Variants in LRRC4C observed in about 807,000 individuals in gnomAD.
LRRC4C encodes leucine rich repeat containing 4C, also known as leucine-rich repeat-containing protein 4C.
LRRC4C carries 5 observed loss-of-function variants against 33.6 expected under a neutral mutation model. That is an observed-to-expected ratio of 0.15 (90% CI 0.08 to 0.31). LRRC4C has a LOEUF of 0.31. Ranked by LOEUF, LRRC4C falls within the 10% of genes least tolerant of loss-of-function variation. The pLI, the probability that LRRC4C is intolerant of heterozygous loss-of-function variation, is 1.00. For synonymous variants in LRRC4C, 329 were observed against 302.0 expected (o/e 1.09, Z -0.93); for missense variants, 560 against 796.7 (o/e 0.70, Z 3.58).
chr11:40,567,093 T>C (rs1957795944), intron 3 of LRRC4C, among the ~76,000 whole-genome samples: 1 of 152,186 alleles, frequency 6.6e-6, no homozygotes, highest in African/African-American at 2.4e-5. Flanking sequence ...GAAGCATCTA[T>C]TGAGTGTGTA....
intron 5 of LRRC4C, among the ~76,000 whole-genome samples, chr11:40,183,492 T>C (rs781491927): frequency 1.3e-5 from 2 of 152,130 alleles, no homozygotes; most frequent in Non-Finnish European, 2.9e-5. Flanking sequence ...GCCAAAGAGG[T>C]GAGAAGACTA....
intron 3 of LRRC4C, among the ~76,000 whole-genome samples, chr11:40,377,983 G>A (rs1415061779): frequency 6.6e-6 from 1 of 151,958 alleles, no homozygotes; most frequent in Admixed American, 6.6e-5. Flanking sequence ...GAGAAACTCT[G>A]CTGTAATGCA....
chr11:40,199,984 A>T (rs2135714940), intron 5 of LRRC4C, among the ~76,000 whole-genome samples: 1 of 152,046 alleles, frequency 6.6e-6, no homozygotes, highest in Middle Eastern at 3.4e-3. Context: ...GGAACTCAGG[A>T]CCACCTGCCT....
intron 4 of LRRC4C, among the ~76,000 whole-genome samples, chr11:40,271,684 C>A (rs1942713152): frequency 6.6e-6 from 1 of 152,152 alleles, no homozygotes; most frequent in Non-Finnish European, 1.5e-5. Flanking sequence ...CACACTCATT[C>A]TTCACTTCCA....
chr11:40,977,001 T>C (rs1852132965), intron 1 of LRRC4C, among the ~76,000 whole-genome samples: 1 of 152,170 alleles, frequency 6.6e-6, no homozygotes, highest in South Asian at 2.1e-4. Context: ...TGAGCTTGTT[T>C]TCCTGTAGCT....
At chr11:40,254,884 C>T (rs1867078914) in intron 4 of LRRC4C, among the ~76,000 whole-genome samples, 2 of 152,184 alleles carry the variant, frequency 1.3e-5, no homozygotes, top group Non-Finnish European at 1.5e-5. Context: ...TTATAGCTCA[C>T]TGTAACCTAG....
At chr11:41,043,519 A>G (rs187558271) in intron 1 of LRRC4C, among the ~76,000 whole-genome samples, 1 of 152,258 alleles carries the variant, frequency 6.6e-6, no homozygotes, top group African/African-American at 2.4e-5. Flanking sequence ...CCAAATCAAT[A>G]ATGATATCTG....
intron 1 of LRRC4C, among the ~76,000 whole-genome samples, chr11:41,149,367 C>A (rs1943881865): frequency 6.6e-6 from 1 of 151,822 alleles, no homozygotes; most frequent in South Asian, 2.1e-4. Context: ...ATTAGCCGGG[C>A]GCAGTGGCGG....
intron 1 of LRRC4C, among the ~76,000 whole-genome samples, chr11:41,127,079 A>G (rs990128981): frequency 3.3e-5 from 5 of 152,136 alleles, no homozygotes; most frequent in Middle Eastern, 6.3e-3. Context: ...TTGAGTAAAT[A>G]CAAAATTTCA....
At chr11:40,346,714 T>C (rs1009449128) in intron 3 of LRRC4C, among the ~76,000 whole-genome samples, 15 of 152,188 alleles carry the variant, frequency 9.9e-5, no homozygotes, top group Non-Finnish European at 1.6e-4. Flanking sequence ...AACGTTTTTT[T>C]AAAAGCAAAC....
At chr11:41,212,741 G>C (rs1042166012) in intron 1 of LRRC4C, among the ~76,000 whole-genome samples, 2 of 152,146 alleles carry the variant, frequency 1.3e-5, no homozygotes, top group African/African-American at 4.8e-5. Flanking sequence ...TCCCTGCAAA[G>C]GACATGATAT....
chr11:40,592,746 T>C (rs879926224), intron 3 of LRRC4C, among the ~76,000 whole-genome samples: 2 of 152,194 alleles, frequency 1.3e-5, no homozygotes, highest in Non-Finnish European at 2.9e-5. Context: ...TCTCCCACTC[T>C]GGCATGCACA....
At chr11:41,234,980 TGTCAGGAG>T (rs1246027756) in intron 1 of LRRC4C, among the ~76,000 whole-genome samples, 1 of 151,974 alleles carries the variant, frequency 6.6e-6, no homozygotes, top group Non-Finnish European at 1.5e-5. Context: ...CCTGAAAATC[TGTCAGGAG>T]GACTATAATA....
intron 3 of LRRC4C, among the ~76,000 whole-genome samples, chr11:40,468,093 C>T (rs1952743106): frequency 6.6e-6 from 1 of 152,102 alleles, no homozygotes; most frequent in Non-Finnish European, 1.5e-5. Context: ...GACTTTGCTC[C>T]TCCATTTTTG....
At chr11:40,356,392 TA>T (rs1947672340) in intron 3 of LRRC4C, among the ~76,000 whole-genome samples, 1 of 152,208 alleles carries the variant, frequency 6.6e-6, no homozygotes, top group African/African-American at 2.4e-5. Context: ...AGCATTTGTT[TA>T]AAAAAGATAC....
chr11:41,070,208 T>C (rs1938573658), intron 1 of LRRC4C, among the ~76,000 whole-genome samples: 1 of 152,162 alleles, frequency 6.6e-6, no homozygotes, highest in Non-Finnish European at 1.5e-5. Context: ...GAAAACCGGC[T>C]AGCCATATGC....
intron 3 of LRRC4C, among the ~76,000 whole-genome samples, chr11:40,447,548 CAAT>C (rs888578656): frequency 2.0e-5 from 3 of 151,892 alleles, no homozygotes; most frequent in African/African-American, 7.3e-5. Flanking sequence ...TTTATTAAGA[CAAT>C]AAAAAATAAT....
At chr11:40,305,463 T>A (rs1944983089) in intron 4 of LRRC4C, among the ~76,000 whole-genome samples, 1 of 152,156 alleles carries the variant, frequency 6.6e-6, no homozygotes, top group South Asian at 2.1e-4. Context: ...GATCTGGAAA[T>A]CAACTGCATA....
intron 3 of LRRC4C, among the ~76,000 whole-genome samples, chr11:40,614,296 A>C (rs976777805): frequency 6.6e-6 from 1 of 151,914 alleles, no homozygotes; most frequent in Admixed American, 6.6e-5. Flanking sequence ...CTTCTATATC[A>C]GCACTTGCTG....
Sources: gnomAD v4.1 joint callset for allele counts (sites outside exome capture counted in the v4.1 genomes callset) on GRCh38, gnomAD v4.1.1 for gene constraint, MANE v1.5 for transcripts, NCBI Gene and HGNC (gene_info 2026-07-23, HGNC 2026-07-21) for gene names.